MAPK10: variants seen among roughly 807,000 people sequenced by gnomAD.
MAPK10 encodes mitogen-activated protein kinase 10, also known as JNK3 alpha protein kinase.
Under a neutral mutation model 59.3 loss-of-function variants are expected in MAPK10, and 25 were observed. The observed-to-expected ratio is 0.42, with a 90% CI of 0.31 to 0.59. The LOEUF is 0.59. Among genes scored for constraint, MAPK10 ranks in the 20% least tolerant of loss-of-function variants. MAPK10 has a pLI of 0.15. For missense variants in MAPK10, 351 were observed against 568.9 expected (o/e 0.62, Z 3.90); for synonymous variants, 190 against 200.5 (o/e 0.95, Z 0.44).
chr4:86,235,490 C>T (rs916943992), intron 2 of MAPK10, among the ~76,000 whole-genome samples: 1 of 152,140 alleles, frequency 6.6e-6, no homozygotes, highest in Non-Finnish European at 1.5e-5. Context: ...GCTTTGTGCT[C>T]TTTCCTGTAT....
In MAPK10 at chr4:86,098,477, G is replaced by A. The variant is rs1223220971; in HGVS notation, c.802+47C>T. 1.9e-6 allele frequency: 3 copies of A among 1,610,144 alleles called. No individual in the cohort carries two copies. In the Admixed American group the frequency reaches 5.0e-5, roughly 27 times the overall value. The stretch of plus-strand genomic sequence containing the variant: ...GTAAAATCATTATGTGTTTAAAAGG[G>A]AGAGAGAACAAAACAGGTAAAGCTG... On this transcript the variant is annotated intron_variant, in intron 9 of 13. Transcript: ENST00000641462.
chr4:86,223,590 A>G (rs79834664), intron 2 of MAPK10, among the ~76,000 whole-genome samples: 12,941 of 152,132 alleles, frequency 0.085, 1,224 homozygotes, highest in African/African-American at 0.23. Context: ...CCTTGCTACA[A>G]AGACAAACCC....
At chr4:86,445,836 G>A (rs1348097605) in intron 1 of MAPK10, among the ~76,000 whole-genome samples, 1 of 152,068 alleles carries the variant, frequency 6.6e-6, no homozygotes, top group South Asian at 2.1e-4. Flanking sequence ...TTTGTTGCCA[G>A]TAGACCTGCC....
At chr4:86,354,184 G>A (rs1733232226) in intron 2 of MAPK10, among the ~76,000 whole-genome samples, 1 of 151,992 alleles carries the variant, frequency 6.6e-6, no homozygotes, top group South Asian at 2.1e-4. Flanking sequence ...AGATGAATCT[G>A]TAAAATATAG....
At chr4:86,395,687 A>G (rs1742813432) in intron 1 of MAPK10, among the ~76,000 whole-genome samples, 2 of 152,162 alleles carry the variant, frequency 1.3e-5, no homozygotes, top group East Asian at 1.9e-4. Flanking sequence ...TCATTTCTCA[A>G]AGTTCTAGAA....
At chr4:86,197,617 C>G (rs1034501213) in intron 2 of MAPK10, among the ~76,000 whole-genome samples, 1 of 152,032 alleles carries the variant, frequency 6.6e-6, no homozygotes, top group South Asian at 2.1e-4. Context: ...GGAAGTCATA[C>G]TGGAGACACT....
rs566501904 is a variant in MAPK10, at chr4:86,508,932, G to T, written c.-263+84978C>A. Among the ~76,000 whole-genome samples the T allele has an allele frequency of 7.2e-5, 11 of 152,178 alleles. 1 individual carries two copies. In the South Asian group the frequency reaches 2.3e-3, roughly 32 times the overall value. ...TCCTCGTGCATGTTTTTAAATTAATGGCCATCATGAATATCATTTGAAGTC... is the reference window on the plus strand; with the variant it reads ...TCCTCGTGCATGTTTTTAAATTAATTGCCATCATGAATATCATTTGAAGTC... On this transcript the variant is annotated intron_variant, in intron 1 of 4. Transcript: ENST00000502302.
chr4:86,071,076 T>A (rs566687067), intron 9 of MAPK10, among the ~76,000 whole-genome samples: 2 of 151,550 alleles, frequency 1.3e-5, no homozygotes, highest in South Asian at 4.2e-4. Flanking sequence ...TTTTTAATGA[T>A]TGCCATTCTA....
intron 1 of MAPK10, among the ~76,000 whole-genome samples, chr4:86,540,182 T>C (rs1758563137): frequency 6.6e-6 from 1 of 152,224 alleles, no homozygotes; most frequent in African/African-American, 2.4e-5. Flanking sequence ...CTTATCACCC[T>C]GAAGCAAAGC....
intron 2 of MAPK10, among the ~76,000 whole-genome samples, chr4:86,260,619 A>G (rs2093948939): frequency 6.6e-6 from 1 of 152,108 alleles, no homozygotes; most frequent in South Asian, 2.1e-4. Context: ...ATGTACTACA[A>G]ATCAAAGCTG....
At chr4:86,583,659 A>T (rs1762462686) in intron 1 of MAPK10, among the ~76,000 whole-genome samples, 1 of 152,224 alleles carries the variant, frequency 6.6e-6, no homozygotes. Flanking sequence ...TGTCAGAAGC[A>T]GTTGCCTATT....
At chr4:86,169,308 A>G (rs998441788) in intron 3 of MAPK10, among the ~76,000 whole-genome samples, 1 of 152,154 alleles carries the variant, frequency 6.6e-6, no homozygotes, top group African/African-American at 2.4e-5. Flanking sequence ...AGAAGTTAAA[A>G]CCTTTGAAAA....
chr4:86,568,716 T>C (rs1336446015), intron 1 of MAPK10, among the ~76,000 whole-genome samples: 2 of 152,322 alleles, frequency 1.3e-5, no homozygotes, highest in Non-Finnish European at 2.9e-5. Flanking sequence ...ATTCAATATA[T>C]GGTGCTGGGA....
chr4:86,432,891 T>A (rs1748230458), intron 1 of MAPK10, among the ~76,000 whole-genome samples: 1 of 152,046 alleles, frequency 6.6e-6, no homozygotes. Flanking sequence ...GAAAGAGAAA[T>A]AGGCAGCCAA....
chr4:86,581,279 A>T (rs1203595918), intron 1 of MAPK10, among the ~76,000 whole-genome samples: 1 of 152,074 alleles, frequency 6.6e-6, no homozygotes, highest in East Asian at 1.9e-4. Context: ...ATACAGAAAA[A>T]AATGGAAAGA....
intron 2 of MAPK10, among the ~76,000 whole-genome samples, chr4:86,214,117 G>T (rs1186454151): frequency 6.6e-6 from 1 of 151,982 alleles, no homozygotes; most frequent in African/African-American, 2.4e-5. Context: ...TTAATGGAAT[G>T]AAGGAAAACA....
intron 1 of MAPK10, among the ~76,000 whole-genome samples, chr4:86,478,088 C>T (rs763644310): frequency 2.6e-5 from 4 of 152,210 alleles, no homozygotes; most frequent in Non-Finnish European, 5.9e-5. Flanking sequence ...AAACCCCACA[C>T]CTTCTACAAA....
chr4:86,174,023 G>C (rs1041664111), intron 3 of MAPK10, among the ~76,000 whole-genome samples: 3 of 143,864 alleles, frequency 2.1e-5, no homozygotes, highest in Admixed American at 6.9e-5. Flanking sequence ...ACTGTTGGTG[G>C]GAATATAAAT....
chr4:86,102,529 T>C (rs548483295), intron 6 of MAPK10: 1 of 153,964 alleles, frequency 6.5e-6, no homozygotes, highest in East Asian at 1.9e-4. Flanking sequence ...TCTTTTTGTT[T>C]GTTTGTTTTG....
Sources: gnomAD v4.1 joint callset for allele counts (sites outside exome capture counted in the v4.1 genomes callset) on GRCh38, gnomAD v4.1.1 for gene constraint, MANE v1.5 for transcripts, NCBI Gene and HGNC (gene_info 2026-07-23, HGNC 2026-07-21) for gene names.